PRKCB: variants seen among roughly 807,000 people sequenced by gnomAD.
PRKCB encodes protein kinase C beta.
A neutral mutation model predicts 81.5 loss-of-function variants in PRKCB; 13 were observed. That is an observed-to-expected ratio of 0.16 (90% confidence interval 0.10 to 0.25). The LOEUF is 0.25. Ranked by LOEUF, PRKCB falls within the 10% of genes least tolerant of loss-of-function variation. The pLI, the probability that PRKCB is intolerant of heterozygous loss-of-function variation, is 1.00. For missense variants in PRKCB, 509 were observed against 875.7 expected, an observed-to-expected ratio of 0.58 and a Z score of 5.29; for synonymous variants, 335 against 321.4, an observed-to-expected ratio of 1.04 and a Z score of -0.45.
At chr16:23,896,412 C>T (rs138942280) in intron 2 of PRKCB, among the ~76,000 whole-genome samples, 2,315 of 152,128 alleles carry the variant, frequency 0.015, 55 homozygotes, top group African/African-American at 0.052. Flanking sequence ...CTGAGAGAAA[C>T]GTATTTGATG....
intron 5 of PRKCB, among the ~76,000 whole-genome samples, chr16:24,056,670 C>G (rs111295512): frequency 1.3e-5 from 2 of 152,202 alleles, no homozygotes; most frequent in African/African-American, 4.8e-5. Flanking sequence ...TTAAAAGAGT[C>G]TGGCACCTCC....
At chr16:24,198,266 A>G (rs1967907574) in intron 16 of PRKCB, among the ~76,000 whole-genome samples, 1 of 152,238 alleles carries the variant, frequency 6.6e-6, no homozygotes, top group African/African-American at 2.4e-5. Context: ...GTTTGGTGGC[A>G]TTCATGTATT....
At chr16:23,853,514 A>G (rs543999531) in intron 2 of PRKCB, among the ~76,000 whole-genome samples, 136 of 152,220 alleles carry the variant, frequency 8.9e-4, no homozygotes, top group Non-Finnish European at 1.6e-3. Flanking sequence ...GACTAGCTCT[A>G]TGTCCAGGAG....
intron 16 of PRKCB, among the ~76,000 whole-genome samples, chr16:24,199,372 C>G (rs895671302): frequency 6.6e-6 from 1 of 152,170 alleles, no homozygotes; most frequent in Admixed American, 6.5e-5. Flanking sequence ...CCCAATTGCC[C>G]TTTACACTGT....
intron 5 of PRKCB, among the ~76,000 whole-genome samples, chr16:24,069,840 T>A (rs1966085497): frequency 6.6e-6 from 1 of 152,194 alleles, no homozygotes; most frequent in East Asian, 1.9e-4. Flanking sequence ...CTAGAACAAA[T>A]CACAAAACCT....
chr16:24,091,718 C>T (rs539687683), intron 5 of PRKCB, among the ~76,000 whole-genome samples: 1 of 152,272 alleles, frequency 6.6e-6, no homozygotes, highest in Non-Finnish European at 1.5e-5. Context: ...TCATGCCATT[C>T]TCCTGCCTGG....
At chr16:23,850,855 C>T (rs1246675410) in intron 2 of PRKCB, among the ~76,000 whole-genome samples, 1 of 152,092 alleles carries the variant, frequency 6.6e-6, no homozygotes. Flanking sequence ...TTTTAATTTG[C>T]ATTTCCCTAG....
chr16:24,078,421 C>T (rs1966206975), intron 5 of PRKCB, among the ~76,000 whole-genome samples: 1 of 152,168 alleles, frequency 6.6e-6, no homozygotes, highest in Non-Finnish European at 1.5e-5. Context: ...GAGGTGGTCT[C>T]CAAACAAGAA....
At chr16:24,006,781 C>G (rs1460108976) in intron 3 of PRKCB, among the ~76,000 whole-genome samples, 1 of 147,350 alleles carries the variant, frequency 6.8e-6, no homozygotes, top group Non-Finnish European at 1.5e-5. Context: ...AGACTAAACG[C>G]TGTGGGGGTA....
At chr16:23,980,593 C>T (rs1402690258) in intron 2 of PRKCB, among the ~76,000 whole-genome samples, 3 of 152,134 alleles carry the variant, frequency 2.0e-5, no homozygotes, top group African/African-American at 2.4e-5. Flanking sequence ...CGAAGGTCCT[C>T]CTGCTTCCAG....
intron 2 of PRKCB, among the ~76,000 whole-genome samples, chr16:23,880,382 C>T (rs1256060857): frequency 6.6e-6 from 1 of 152,164 alleles, no homozygotes; most frequent in African/African-American, 2.4e-5. Context: ...GCCTCCTTCT[C>T]CCCCTCCTTC....
Position 24,218,330 on chromosome 16 carries a change from C to T in PRKCB, c.*3514C>T, listed in dbSNP as rs1336762272. 34 of 985,054 alleles carry T rather than the reference C, an allele frequency of 3.5e-5. No homozygotes were observed. Among genetic ancestry groups the T allele is most frequent in the Middle Eastern group, 5.2e-4 (1 of 1,936 alleles). The allele number at this position is 985,054 out of a possible 1,614,324, so 61.0% of individuals were successfully genotyped here. On this transcript the variant is annotated 3_prime_UTR_variant, in exon 17 of 17. Transcript: ENST00000643927. ...TGAACACCGGAAGTAACATGCCGAG[C>T]GCCTGGGGGATGGAAACTCCTATAG... is the stretch of plus-strand genomic sequence containing the variant.
intron 2 of PRKCB, among the ~76,000 whole-genome samples, chr16:23,876,516 C>T (rs777990738): frequency 8.6e-5 from 13 of 152,016 alleles, no homozygotes; most frequent in African/African-American, 2.7e-4. Flanking sequence ...GGGGTTAGTC[C>T]GATATGTCTC....
At chr16:23,989,119 C>T (rs1964841533) in intron 3 of PRKCB, among the ~76,000 whole-genome samples, 1 of 152,112 alleles carries the variant, frequency 6.6e-6, no homozygotes, top group African/African-American at 2.4e-5. Context: ...TGCCACTATG[C>T]CTGGCTAATT....
In PRKCB at chr16:24,106,180, C is replaced by A. The variant is rs539726928; in HGVS notation, c.822-6793C>A. Reference sequence around the variant, plus strand: ...CCGGGTTAGAATTTCTACTGTACCACTTCCTAGCTGTGTACCCTTGGCAAG... The same window carrying A: ...CCGGGTTAGAATTTCTACTGTACCAATTCCTAGCTGTGTACCCTTGGCAAG... On this transcript the variant is annotated intron_variant, in intron 7 of 16. Coordinates refer to ENST00000643927, the MANE Select transcript of PRKCB (RefSeq NM_002738.7). Among the ~76,000 whole-genome samples, 8 of 152,168 alleles carry A rather than the reference C, an allele frequency of 5.3e-5. No individual in the cohort carries two copies. In the South Asian group the frequency reaches 1.7e-3, roughly 32 times the overall value.
At chr16:24,100,144 C>T (rs1310059853) in intron 7 of PRKCB, among the ~76,000 whole-genome samples, 1 of 152,132 alleles carries the variant, frequency 6.6e-6, no homozygotes, top group African/African-American at 2.4e-5. Flanking sequence ...CTTTAACATT[C>T]ATGTCAGTCC....
At chr16:24,020,668 T>C (rs1965345733) in intron 3 of PRKCB, among the ~76,000 whole-genome samples, 1 of 152,208 alleles carries the variant, frequency 6.6e-6, no homozygotes, top group East Asian at 1.9e-4. Flanking sequence ...CTCTGGAGCC[T>C]GCGCTTGTTA....
chr16:23,881,477 C>G (rs969223950), intron 2 of PRKCB, among the ~76,000 whole-genome samples: 3 of 152,106 alleles, frequency 2.0e-5, no homozygotes, highest in Non-Finnish European at 4.4e-5. Flanking sequence ...GTCTTGAACT[C>G]CTAGCCTCAA....
intron 3 of PRKCB, among the ~76,000 whole-genome samples, chr16:24,021,890 T>C (rs143770383): frequency 6.6e-5 from 10 of 152,228 alleles, no homozygotes; most frequent in African/African-American, 1.4e-4. Context: ...TTCAATAAAA[T>C]TGGTGGCAGT....
Sources: allele counts gnomAD v4.1 joint callset (sites outside exome capture counted in the v4.1 genomes callset), GRCh38; gene constraint gnomAD v4.1.1; transcripts MANE v1.5; gene names NCBI Gene and HGNC (gene_info 2026-07-23, HGNC 2026-07-21).